The following RIMBP2 variants were observed in gnomAD, a reference collection of about 807,000 sequenced individuals.
RIMBP2 encodes RIMS binding protein 2.
Under a neutral mutation model 118.6 loss-of-function variants are expected in RIMBP2, and 48 were observed. The observed-to-expected ratio is 0.40, with a 90% confidence interval of 0.32 to 0.51. The LOEUF is 0.51. Among genes scored for constraint, RIMBP2 ranks in the 20% least tolerant of loss-of-function variants. RIMBP2 has a pLI of 0.41. For missense variants in RIMBP2, 1,551 were observed against 1,768.3 expected (o/e 0.88, Z 2.20); for synonymous variants, 762 against 742.9 (o/e 1.03, Z -0.42).
chr12:130,616,287 C>A (rs1370560145), intron 2 of RIMBP2, among the ~76,000 whole-genome samples: 1 of 151,822 alleles, frequency 6.6e-6, no homozygotes, highest in Non-Finnish European at 1.5e-5. Flanking sequence ...TCTGTTCTCC[C>A]CCCATGTCTC....
chr12:130,444,858 G>A (rs1219141692), intron 10 of RIMBP2, among the ~76,000 whole-genome samples: 1 of 152,224 alleles, frequency 6.6e-6, no homozygotes, highest in Non-Finnish European at 1.5e-5. Flanking sequence ...TGGAAGCAGA[G>A]GGTCTGTCAG....
chr12:130,531,230 G>A (rs887281039), intron 2 of RIMBP2, among the ~76,000 whole-genome samples: 3 of 152,128 alleles, frequency 2.0e-5, no homozygotes, highest in African/African-American at 7.2e-5. Context: ...AATCATAGGT[G>A]TACAACTCCA....
At chr12:130,524,451 A>C (rs1313130950) in intron 2 of RIMBP2, among the ~76,000 whole-genome samples, 1 of 152,104 alleles carries the variant, frequency 6.6e-6, no homozygotes, top group Non-Finnish European at 1.5e-5. Flanking sequence ...ACAGACCCAC[A>C]GTGGAGAGGA....
intron 17 of RIMBP2, among the ~76,000 whole-genome samples, chr12:130,415,796 T>C (rs2076063717): frequency 6.6e-6 from 1 of 152,110 alleles, no homozygotes; most frequent in African/African-American, 2.4e-5. Context: ...ATTCTAAACC[T>C]AGAAAACCCT....
intron 4 of RIMBP2, among the ~76,000 whole-genome samples, 178 bp downstream of exon 4, chr12:130,506,470 G>A (rs1466893735): frequency 6.6e-6 from 1 of 152,110 alleles, no homozygotes; most frequent in Admixed American, 6.5e-5. Flanking sequence ...CTGGAATTTT[G>A]TTATTTATTG....
At chr12:130,648,913 C>T (rs1485626789) in intron 1 of RIMBP2, among the ~76,000 whole-genome samples, 1 of 145,966 alleles carries the variant, frequency 6.9e-6, no homozygotes, top group East Asian at 1.9e-4. Flanking sequence ...GCCTCGGCCT[C>T]CCAAAGTGCT....
intron 10 of RIMBP2, 25 bp downstream of exon 10, chr12:130,445,135 G>A (rs775976906): frequency 1.1e-5 from 17 of 1,505,148 alleles, no homozygotes; most frequent in African/African-American, 7.0e-5. Flanking sequence ...GCCTACGTCC[G>A]CCACAGCCAT....
chr12:130,518,213 G>A (rs1489510454), intron 2 of RIMBP2, among the ~76,000 whole-genome samples: 1 of 152,182 alleles, frequency 6.6e-6, no homozygotes, highest in Non-Finnish European at 1.5e-5. Flanking sequence ...TCGCCAATTG[G>A]AGTTGTTAAT....
intron 1 of RIMBP2, among the ~76,000 whole-genome samples, chr12:130,695,886 A>C (rs535876687): frequency 6.6e-6 from 1 of 152,100 alleles, no homozygotes; most frequent in Non-Finnish European, 1.5e-5. Context: ...AAGAGGAGTC[A>C]TGGTTGATCC....
intron 6 of RIMBP2, 82 bp from the exon 7 acceptor site, chr12:130,456,782 C>CGTGTGCACATGTGCACTGTGTGCACGT (rs1333589327): frequency 5.5e-6 from 6 of 1,092,730 alleles, no homozygotes; most frequent in Non-Finnish European, 8.0e-6. Context: ...ATGTGTTGTA[C>CGTGTGCACATGTGCACTGTGTGCACGT]GTGTGCACAT....
At chr12:130,583,542 TCA>T (rs1207516112) in intron 2 of RIMBP2, among the ~76,000 whole-genome samples, 1 of 150,480 alleles carries the variant, frequency 6.6e-6, no homozygotes, top group African/African-American at 2.5e-5. Context: ...AACCATTACA[TCA>T]TCATCACCAC....
chr12:130,404,064 T>C (rs959328859), intron 21 of RIMBP2, among the ~76,000 whole-genome samples: 8 of 152,196 alleles, frequency 5.3e-5, no homozygotes, highest in South Asian at 4.1e-4. Flanking sequence ...TCTAAGTGAT[T>C]AGTAAGACAA....
chr12:130,604,736 C>CG (rs2060079887), intron 2 of RIMBP2, among the ~76,000 whole-genome samples: 1 of 43,090 alleles, frequency 2.3e-5, no homozygotes, highest in Non-Finnish European at 5.9e-5. Flanking sequence ...GGCACCACCA[C>CG]CACGCCCGGC....
chr12:130,450,097 C>T lies in RIMBP2; in HGVS notation c.581+103G>A, dbSNP rs1054928449. ...GCTGAAATCCCACCTTCTCCTCGTG[C>T]CCTGGGAGAAGGGAACTTCTCAGAC... On this transcript the variant is annotated intron_variant, in intron 9 of 22. Coordinates refer to ENST00000690449, the MANE Select transcript of RIMBP2 (RefSeq NM_001393629.1). The surrounding 1 kb of genome is among the most constrained non-coding windows in gnomAD (Gnocchi z 4.8). 5 of 751,426 alleles carry T rather than the reference C, an allele frequency of 6.7e-6. No individual in the cohort carries two copies. In the Admixed American group the frequency reaches 1.1e-4, roughly 17 times the overall value. The allele number at this position is 751,426 out of a possible 1,614,324, so 46.5% of individuals were successfully genotyped here.
Position 130,456,503 on chromosome 12 carries a change from G to A in RIMBP2, c.351C>T (p.Leu117=), listed in dbSNP as rs545481321. 33 of 1,586,378 alleles carry A rather than the reference G, an allele frequency of 2.1e-5. No individual in the cohort carries two copies. Among genetic ancestry groups the A allele is most frequent in the South Asian group, 1.9e-4 (17 of 88,704 alleles). Residue 117 remains leucine, a synonymous_variant, in exon 7 of 23, where the codon CTC becomes CTT. Transcript: ENST00000690449. ...GAAGGTCCAGGCGCTTACCTTTGCC[G>A]AGGGAGGTGGCTAGGCCATTCATGA... The part of the protein sequence containing the change: ...PQFMNGLATS[L]GKGQESAIGG...
intron 1 of RIMBP2, among the ~76,000 whole-genome samples, chr12:130,659,819 C>G (rs920357288): frequency 6.6e-6 from 1 of 150,988 alleles, no homozygotes; most frequent in Non-Finnish European, 1.5e-5. Context: ...CTAAAAAATA[C>G]AAAAATTAGC....
chr12:130,516,390 A>G (rs1266724074), intron 3 of RIMBP2, among the ~76,000 whole-genome samples: 1 of 152,266 alleles, frequency 6.6e-6, no homozygotes, highest in African/African-American at 2.4e-5. Flanking sequence ...AGAGACAGTC[A>G]TGGATGTAAC....
At chr12:130,697,380 G>C (rs11061094) in intron 1 of RIMBP2, among the ~76,000 whole-genome samples, 19,122 of 152,192 alleles carry the variant, frequency 0.13, 2,457 homozygotes, top group African/African-American at 0.33. Flanking sequence ...CAAAATAGCC[G>C]GGTATGGTGG....
chr12:130,515,486 G>A (rs900832690), intron 3 of RIMBP2, among the ~76,000 whole-genome samples: 2 of 152,110 alleles, frequency 1.3e-5, no homozygotes, highest in African/African-American at 4.8e-5. Context: ...CTTTGGGACT[G>A]GCTTATTCAC....
Sources: allele counts gnomAD v4.1 joint callset (sites outside exome capture counted in the v4.1 genomes callset), GRCh38; gene constraint gnomAD v4.1.1; non-coding constraint Gnocchi (gnomAD v3.1); transcripts MANE v1.5; gene names NCBI Gene and HGNC (gene_info 2026-07-23, HGNC 2026-07-21).